TMPRSS15: variants seen among roughly 807,000 people sequenced by gnomAD.
TMPRSS15 encodes enteropeptidase.
Under a neutral mutation model 125.3 loss-of-function variants are expected in TMPRSS15, and 128 were observed. That is an observed-to-expected ratio of 1.02 (90% CI 0.89 to 1.18). The LOEUF is 1.18. TMPRSS15 is among the 50% of genes most tolerant of loss of function. The probability of loss-of-function intolerance (pLI) is 0.00; values close to 1 mark genes in which losing one functional copy is unlikely to be tolerated. For missense variants in TMPRSS15, 1,283 were observed against 1,212.7 expected, an observed-to-expected ratio of 1.06 and a Z score of -0.86; for synonymous variants, 446 against 423.2, an observed-to-expected ratio of 1.05 and a Z score of -0.66.
chr21:18,331,231 T>C (rs1291756372), intron 14 of TMPRSS15, among the ~76,000 whole-genome samples: 1 of 152,206 alleles, frequency 6.6e-6, no homozygotes, highest in Non-Finnish European at 1.5e-5. Context: ...TGCTCTCTTA[T>C]CTCTTGATCA....
intron 1 of TMPRSS15, among the ~76,000 whole-genome samples, chr21:18,442,819 A>G (rs2076245438): frequency 2.0e-5 from 3 of 152,224 alleles, no homozygotes; most frequent in Admixed American, 2.0e-4. Flanking sequence ...TTCTGAAAGA[A>G]TAAAATCAGT....
At chr21:18,323,768 A>C (rs1198531586) in intron 16 of TMPRSS15, among the ~76,000 whole-genome samples, 1 of 152,204 alleles carries the variant, frequency 6.6e-6, no homozygotes, top group African/African-American at 2.4e-5. Flanking sequence ...GATGGCCTCC[A>C]GTAGAATAGT....
chr21:18,398,555 AT>A (rs899108746), intron 1 of TMPRSS15, among the ~76,000 whole-genome samples: 10 of 151,726 alleles, frequency 6.6e-5, no homozygotes, highest in East Asian at 1.9e-4. Flanking sequence ...TTCTTTCAAC[AT>A]TTTTTTTCTT....
At chr21:18,481,223 C>T (rs963469570) in intron 1 of TMPRSS15, among the ~76,000 whole-genome samples, 20 of 151,836 alleles carry the variant, frequency 1.3e-4, no homozygotes, top group African/African-American at 4.6e-4. Flanking sequence ...ACAGGTACAC[C>T]GACTTCATCT....
At chr21:18,405,158 G>C (rs1353136531), upstream of TMPRSS15, among the ~76,000 whole-genome samples, 1 of 152,002 alleles carries the variant, frequency 6.6e-6, no homozygotes, top group East Asian at 1.9e-4. Flanking sequence ...CATTTCTTTT[G>C]ACTTTATAGA....
intron 18 of TMPRSS15, among the ~76,000 whole-genome samples, chr21:18,304,187 A>C (rs1036423305): frequency 3.9e-5 from 6 of 152,164 alleles, no homozygotes; most frequent in Non-Finnish European, 8.8e-5. Context: ...ACAAACTAAG[A>C]AATGTCCTGG....
chr21:18,336,006 C>T (rs977661513), intron 13 of TMPRSS15, among the ~76,000 whole-genome samples: 2 of 150,760 alleles, frequency 1.3e-5, no homozygotes, highest in African/African-American at 2.4e-5. Flanking sequence ...CTTACTATGC[C>T]AATAGGGATT....
At chr21:18,423,574 A>G (rs2076196789) in intron 1 of TMPRSS15, among the ~76,000 whole-genome samples, 1 of 149,550 alleles carries the variant, frequency 6.7e-6, no homozygotes, top group Non-Finnish European at 1.5e-5. Flanking sequence ...ACACCCGGCT[A>G]ATTTTTTGTA....
chr21:18,365,632 T>TTC (rs754739488), intron 6 of TMPRSS15, among the ~76,000 whole-genome samples: 38,126 of 84,348 alleles, frequency 0.45, 9,548 homozygotes, highest in Non-Finnish European at 0.55. Flanking sequence ...TTCTTTCTCT[T>TTC]TCTCTCTCTT....
intron 16 of TMPRSS15, among the ~76,000 whole-genome samples, chr21:18,318,473 G>A (rs8130250): frequency 0.26 from 40,212 of 152,012 alleles, 5,451 homozygotes; most frequent in South Asian, 0.3. Flanking sequence ...TGGGAAGATG[G>A]GGAAAAAAGG....
intron 23 of TMPRSS15, among the ~76,000 whole-genome samples, chr21:18,277,651 T>C (rs1020683622): frequency 1.3e-5 from 2 of 152,258 alleles, no homozygotes; most frequent in Non-Finnish European, 2.9e-5. Context: ...TAGAACTTTG[T>C]GCTTTCTCTT....
intron 10 of TMPRSS15, 135 bp downstream of exon 10, chr21:18,352,768 A>G (rs2075583243): frequency 5.8e-6 from 5 of 855,974 alleles, no homozygotes; most frequent in Admixed American, 2.3e-5. Flanking sequence ...TCATTTAATT[A>G]ATTGAATTTT....
chr21:18,409,834 C>G (rs1384984871), intron 1 of TMPRSS15, among the ~76,000 whole-genome samples: 4 of 120,758 alleles, frequency 3.3e-5, no homozygotes, highest in Non-Finnish European at 6.9e-5. Flanking sequence ...CCCTTCACCC[C>G]TCCCTCCTTT....
rs565135850 is a variant in TMPRSS15 at position 18,274,745 on chromosome 21, C to T, written c.2904+452G>A. 8.7e-4 allele frequency among the ~76,000 whole-genome samples: 132 copies of T among 152,280 alleles called. 1 individual carries two copies. The highest frequency in any genetic ancestry group is 3.4e-3 in the Middle Eastern group (1 of 294). On this transcript the variant is annotated intron_variant, in intron 24 of 24. Transcript: ENST00000284885. ...CAAGAAATTACTTCAGGTTACTGCA[C>T]GCCTGGATGATATTCTAAATTCAGG...
At chr21:18,451,426 G>A (rs766381340) in intron 1 of TMPRSS15, among the ~76,000 whole-genome samples, 7 of 151,862 alleles carry the variant, frequency 4.6e-5, no homozygotes, top group Middle Eastern at 3.4e-3. Flanking sequence ...AACCAGTCAC[G>A]ATTTTGTGCA....
intron 16 of TMPRSS15, among the ~76,000 whole-genome samples, chr21:18,320,137 A>G (rs946496612): frequency 9.2e-5 from 14 of 152,340 alleles, no homozygotes; most frequent in African/African-American, 3.4e-4. Context: ...CAGCATTAAT[A>G]CTTTGACTAT....
intron 1 of TMPRSS15, among the ~76,000 whole-genome samples, chr21:18,409,368 A>G (rs2076159839): frequency 6.6e-5 from 10 of 152,214 alleles, no homozygotes; most frequent in Admixed American, 6.5e-4. Flanking sequence ...CTTTTATCTC[A>G]GGAAAAAAAT....
rs189276082 is a variant in TMPRSS15, at chr21:18,354,850, G to T, written c.881-987C>A. On this transcript the variant is annotated intron_variant, in intron 8 of 24. Coordinates refer to ENST00000284885, the MANE Select transcript of TMPRSS15 (RefSeq NM_002772.3). ...GCCTATAAAAAATACCATACTTGCAGATAGGAGACAATGAACCACTGTGAA... is the reference window on the plus strand; with the variant it reads ...GCCTATAAAAAATACCATACTTGCATATAGGAGACAATGAACCACTGTGAA... Among the ~76,000 whole-genome samples, 276 of 151,920 alleles carry T rather than the reference G, an allele frequency of 1.8e-3. 3 individuals carry two copies. The highest frequency in any genetic ancestry group is 2.0e-3 in the African/African-American group (81 of 41,520).
chr21:18,321,969 A>G (rs1460879255), intron 16 of TMPRSS15, among the ~76,000 whole-genome samples: 4 of 152,226 alleles, frequency 2.6e-5, no homozygotes, highest in African/African-American at 9.6e-5. Flanking sequence ...AGCTTCAATC[A>G]GGGGGATTTT....
Sources: gnomAD v4.1 joint callset for allele counts (sites outside exome capture counted in the v4.1 genomes callset) on GRCh38, gnomAD v4.1.1 for gene constraint, MANE v1.5 for transcripts, NCBI Gene and HGNC (gene_info 2026-07-23, HGNC 2026-07-21) for gene names.